POSTN: variants seen among roughly 807,000 people sequenced by gnomAD.
The protein encoded by POSTN is osteoblast specific factor 2 (fasciclin I-like).
POSTN carries 71 observed loss-of-function variants against 104.5 expected under a neutral mutation model. The observed-to-expected ratio is 0.68, with a 90% CI of 0.56 to 0.83. The LOEUF (loss-of-function observed/expected upper bound fraction) is 0.83, where lower values mean the gene tolerates loss of function less well. Among genes scored for constraint, POSTN ranks in the 40% least tolerant of loss-of-function variants. POSTN has a pLI of 0.00. For missense variants in POSTN, 949 were observed against 1,006.8 expected (o/e 0.94, Z 0.78); for synonymous variants, 355 against 340.7 (o/e 1.04, Z -0.46).
At chr13:37,588,755 A>G (rs1950834603) in intron 4 of POSTN, among the ~76,000 whole-genome samples, 1 of 152,194 alleles carries the variant, frequency 6.6e-6, no homozygotes, top group South Asian at 2.1e-4. Flanking sequence ...TTTCTCAGAT[A>G]ATACTAAGAA....
intron 1 of POSTN, among the ~76,000 whole-genome samples, chr13:37,598,037 A>G (rs2138426518): frequency 6.6e-6 from 1 of 152,348 alleles, no homozygotes; most frequent in Middle Eastern, 3.4e-3. Context: ...GTAATTTTAA[A>G]AATGCTTAGT....
At chr13:37,589,431 T>C (rs934001038) in intron 4 of POSTN, among the ~76,000 whole-genome samples, 2 of 152,134 alleles carry the variant, frequency 1.3e-5, no homozygotes, top group African/African-American at 2.4e-5. Context: ...ATGTGCCATG[T>C]TGGTGTGCTG....
intron 2 of POSTN, among the ~76,000 whole-genome samples, chr13:37,592,465 AT>A (rs554533990): frequency 6.1e-4 from 92 of 151,954 alleles, no homozygotes; most frequent in African/African-American, 2.0e-3. Context: ...CGCCTGGCTA[AT>A]TTTTTGTATT....
At position 37,569,228 on chromosome 13, in the gene POSTN, G is replaced by T. The variant is rs547290768; in HGVS notation, c.2431+72C>A. 5.2e-5 allele frequency: 55 copies of T among 1,061,080 alleles called. No homozygotes were observed. In the East Asian group the frequency reaches 9.6e-4, roughly 19 times the overall value. 65.7% of individuals were successfully genotyped at this position (1,061,080 alleles called of 1,614,324 possible). ...CCCAATTAAAAGAAAAAATCTGCTT[G>T]CTCAGTCTTTAAAAAGTTGAACTCA... On this transcript the variant is annotated intron_variant, in intron 21 of 22. Transcript: ENST00000379747.
Position 37,584,696 on chromosome 13 carries a change from A to G in POSTN, c.1108+20T>C. On this transcript the variant is annotated intron_variant, in intron 8 of 22. Transcript: ENST00000379747. ...ACAGTAAGTAAAAAAACAAAAACAA[A>G]AACAAAAAAAGTTGCTTACCAGAAT... 6.3e-7 allele frequency: 1 copy of G among 1,598,752 alleles called. No homozygotes were observed. Among genetic ancestry groups the G allele is most frequent in the African/African-American group, 1.3e-5 (1 of 74,346 alleles).
At chr13:37,592,576 G>A (rs1950972137) in intron 2 of POSTN, among the ~76,000 whole-genome samples, 1 of 152,134 alleles carries the variant, frequency 6.6e-6, no homozygotes, top group Non-Finnish European at 1.5e-5. Flanking sequence ...GGGATTACAG[G>A]CATGAGCCAC....
chr13:37,585,093 T>C (rs1950705574), intron 7 of POSTN, among the ~76,000 whole-genome samples, 165 bp from the exon 8 acceptor site: 1 of 152,226 alleles, frequency 6.6e-6, no homozygotes, highest in Non-Finnish European at 1.5e-5. Flanking sequence ...AGTTTTTTCC[T>C]ATCAACTATA....
chr13:37,579,801 T>G, intron 12 of POSTN, 60 bp downstream of exon 12: 6 of 1,557,950 alleles, frequency 3.9e-6, no homozygotes, highest in Admixed American at 1.8e-5. Flanking sequence ...CAGGAAAGCT[T>G]GAGAAAGAAG....
rs915145055 is a variant in POSTN at position 37,579,086 on chromosome 13, T to A, written c.1827A>T (p.Ser609=). The change falls in exon 14 of 23, where the codon TCA becomes TCT. Residue 609 remains serine, a synonymous_variant. Transcript: ENST00000379747. The part of the protein sequence containing the change: ...NDTLLVNELK[S]KESDIMTTNG... Reference sequence around the variant, plus strand: ...TTGTTGTCATGATGTCAGATTCTTTTGATTTCAATTCATTCACCAGAAGTG... The same window carrying A: ...TTGTTGTCATGATGTCAGATTCTTTAGATTTCAATTCATTCACCAGAAGTG... 39 of 1,613,174 alleles carry A rather than the reference T, an allele frequency of 2.4e-5. No homozygotes were observed. Among genetic ancestry groups the A allele is most frequent in the East Asian group, 1.1e-4 (5 of 44,744 alleles).
rs1950286711 is a variant in POSTN, at chr13:37,572,416, T to C, written c.2090-958A>G. 3.3e-5 allele frequency among the ~76,000 whole-genome samples: 5 copies of C among 151,610 alleles called. No homozygotes were observed. In the South Asian group the frequency reaches 1.0e-3, roughly 31 times the overall value. On this transcript the variant is annotated intron_variant, in intron 17 of 22. Transcript: ENST00000379747. ...AAGTATTTCATGCCATAATATTTGA[T>C]ATATAAGGCCAAGGGATATTGAGCA...
Position 37,569,301 on chromosome 13 carries a change from T to A in POSTN, c.2430A>T (p.Gly810=). ...GTTAGTTGTTGTCCTTTTACTAACC[T>A]CCCTGAAGCAGTCTTTTAATTTCTT... ...EDEEIKRLLQ[G]DTPVRKLQAN... is the part of the protein sequence containing the mutation. The change falls in exon 21 of 23, where the codon GGA becomes GGT. Residue 810 remains glycine, a splice_region_variant and synonymous_variant. Transcript: ENST00000379747. The A allele has an allele frequency of 6.2e-7, 1 of 1,608,728 alleles. No individual in the cohort carries two copies. The highest frequency in any genetic ancestry group is 8.5e-7 in the Non-Finnish European group (1 of 1,175,664).
In POSTN at chr13:37,592,178, G is replaced by T. The variant is rs1229410049; in HGVS notation, c.219-14C>A. On this transcript the variant is annotated splice_polypyrimidine_tract_variant and intron_variant, in intron 2 of 22. Transcript: ENST00000379747. ...TATAACACAGTCCTGTACATAGGAA[G>T]AAAATTAATATTAAAATGAGAAACT... 2 of 1,440,982 alleles carry T rather than the reference G, an allele frequency of 1.4e-6. No homozygotes were observed. Among genetic ancestry groups the T allele is most frequent in the South Asian group, 1.3e-5 (1 of 77,462 alleles). The allele number at this position is 1,440,982 out of a possible 1,614,324, so 89.3% of individuals were successfully genotyped here.
At position 37,584,789 on chromosome 13, in the gene POSTN, C is replaced by T. The variant is rs1162764881; in HGVS notation, c.1035G>A (p.Met345Ile). 3.1e-6 allele frequency: 5 copies of T among 1,613,700 alleles called. No individual in the cohort carries two copies. In the South Asian group the frequency reaches 4.4e-5, roughly 14 times the overall value. The change falls in exon 8 of 23, where the codon ATG (methionine) becomes ATA (isoleucine). Residue 345 changes from methionine (M) to isoleucine (I), a missense_variant. Physicochemically the swap from Met to Ile is conservative, Grantham distance 10. Coordinates refer to ENST00000379747, the MANE Select transcript of POSTN (RefSeq NM_006475.3). ...GDSITVNGIK[M>I]VNKKDIVTNN... ...TTGTCACAATATCCTTTTTGTTCACCATTTTGATTCCATTTACTGTTATAC... is the reference window on the plus strand; with the variant it reads ...TTGTCACAATATCCTTTTTGTTCACTATTTTGATTCCATTTACTGTTATAC...
intron 9 of POSTN, 75 bp from the exon 10 acceptor site, chr13:37,582,589 C>A: frequency 1.5e-6 from 2 of 1,319,634 alleles, no homozygotes; most frequent in South Asian, 3.0e-5. Flanking sequence ...AAGACAGAAT[C>A]ATATAAACAG....
chr13:37,592,073 A>C, intron 3 of POSTN, 27 bp downstream of exon 3: 1 of 1,533,400 alleles, frequency 6.5e-7, no homozygotes. Flanking sequence ...ATAATTCCTT[A>C]TTTAATTCAA....
intron 12 of POSTN, 21 bp from the exon 13 acceptor site, chr13:37,579,380 A>G: frequency 1.3e-6 from 2 of 1,519,920 alleles, no homozygotes; most frequent in East Asian, 4.5e-5. Flanking sequence ...ATATATGTTT[A>G]TTTTTATTGA....
At chr13:37,577,665 T>A in intron 16 of POSTN, 88 bp downstream of exon 16, 4 of 1,509,052 alleles carry the variant, frequency 2.7e-6, no homozygotes, top group Non-Finnish European at 3.6e-6. Context: ...TACCAGATTA[T>A]CAATAATCTC....
intron 6 of POSTN, 150 bp from the exon 7 acceptor site, chr13:37,586,430 C>A (rs1593351939): frequency 2.2e-6 from 2 of 891,254 alleles, no homozygotes; most frequent in East Asian, 5.4e-5. Flanking sequence ...CTTTTTGACA[C>A]AACCATGTCT....
Position 37,590,266 on chromosome 13 carries a change from A to G in POSTN, c.441+106T>C, listed in dbSNP as rs1950888960. Reference sequence around the variant, plus strand: ...CCTTTAGGTATTCTCATATATGTACAATAGAAAGATATAAAATTTCTACTA... The same window carrying G: ...CCTTTAGGTATTCTCATATATGTACGATAGAAAGATATAAAATTTCTACTA... On this transcript the variant is annotated intron_variant, in intron 4 of 22. Transcript: ENST00000379747. 5 of 894,724 alleles carry G rather than the reference A, an allele frequency of 5.6e-6. No homozygotes were observed. In the South Asian group the frequency reaches 6.2e-5, roughly 11 times the overall value. 55.4% of individuals were successfully genotyped at this position (894,724 alleles called of 1,614,324 possible).
Sources: allele counts gnomAD v4.1 joint callset (sites outside exome capture counted in the v4.1 genomes callset), GRCh38; gene constraint gnomAD v4.1.1; transcripts MANE v1.5; gene names NCBI Gene and HGNC (gene_info 2026-07-23, HGNC 2026-07-21).